The following NRXN3 variants were observed in gnomAD, a reference collection of about 807,000 sequenced individuals.
NRXN3 encodes neurexin III.
A neutral mutation model predicts 137.6 loss-of-function variants in NRXN3; 32 were observed. The ratio of observed to expected loss-of-function variants is 0.23; its 90% CI spans 0.18 to 0.31. The LOEUF (loss-of-function observed/expected upper bound fraction) is 0.31, where lower values mean the gene tolerates loss of function less well. NRXN3 is among the 10% of genes least tolerant of loss of function. The pLI is 1.00. For missense variants in NRXN3, 1,574 were observed against 2,062.5 expected (o/e 0.76, Z 4.59); for synonymous variants, 798 against 784.5 (o/e 1.02, Z -0.29).
chr14:79,800,449 G>A (rs1159990443), intron 19 of NRXN3, among the ~76,000 whole-genome samples: 1 of 152,196 alleles, frequency 6.6e-6, no homozygotes, highest in Non-Finnish European at 1.5e-5. Context: ...AGTCTAGATA[G>A]TCTAGATATC....
At chr14:78,347,249 AAAG>A (rs1347951215) in intron 4 of NRXN3, among the ~76,000 whole-genome samples, 2 of 152,208 alleles carry the variant, frequency 1.3e-5, no homozygotes, top group Non-Finnish European at 2.9e-5. Context: ...TTAAAACAGC[AAAG>A]GAGGAAGAAA....
chr14:78,822,720 AAAAAG>A lies in NRXN3; in HGVS notation c.2275+12385_2275+12389del, dbSNP rs1402469173. 3.0e-3 allele frequency among the ~76,000 whole-genome samples: 453 copies of A among 152,000 alleles called. 4 individuals carry two copies. The highest frequency in any genetic ancestry group is 1.0e-2 in the African/African-American group (413 of 41,490). On this transcript the variant is annotated intron_variant, in intron 10 of 20. Coordinates refer to ENST00000335750, the MANE Select transcript of NRXN3 (RefSeq NM_001330195.2). ...AACAACAAAAACAAACAAAAAAAAA[AAAAAG>A]AAAAGAAAGAAATGAGACTTAGTCA... is the stretch of plus-strand genomic sequence containing the variant.
Position 78,702,822 on chromosome 14 carries a change from A to T in NRXN3, c.1222-6395A>T, listed in dbSNP as rs931129707. ...GCTTTTCTCAGTAAATAACAAAATTAATAGTGATCGCCATCACTTATTGAG... is the reference window on the plus strand; with the variant it reads ...GCTTTTCTCAGTAAATAACAAAATTTATAGTGATCGCCATCACTTATTGAG... On this transcript the variant is annotated intron_variant, in intron 6 of 20. Transcript: ENST00000335750. Among the ~76,000 whole-genome samples the T allele has an allele frequency of 3.3e-5, 5 of 152,234 alleles. 1 individual carries two copies. The highest frequency in any genetic ancestry group is 1.2e-4 in the African/African-American group (5 of 41,464).
chr14:78,789,421 A>T (rs1276119978), intron 8 of NRXN3, among the ~76,000 whole-genome samples: 1 of 152,138 alleles, frequency 6.6e-6, no homozygotes, highest in Non-Finnish European at 1.5e-5. Context: ...AGTGCCACAG[A>T]TATCTAGTGG....
intron 19 of NRXN3, among the ~76,000 whole-genome samples, chr14:79,761,801 A>G (rs1326041192): frequency 1.3e-5 from 2 of 151,642 alleles, no homozygotes; most frequent in Admixed American, 1.3e-4. Context: ...AAGAAGCTAA[A>G]TCTACTCATA....
intron 2 of NRXN3, among the ~76,000 whole-genome samples, chr14:78,275,452 G>C (rs560016507): frequency 6.6e-6 from 1 of 152,222 alleles, no homozygotes; most frequent in Admixed American, 6.5e-5. Context: ...CTAGATGAGG[G>C]GGTAGAGCTA....
rs145833034 is a variant in NRXN3 at position 79,606,029 on chromosome 14, T to G, written c.3445-57749T>G. Among the ~76,000 whole-genome samples, 612 of 152,326 alleles carry G rather than the reference T, an allele frequency of 4.0e-3. 8 individuals carry two copies. Among genetic ancestry groups the G allele is most frequent in the African/African-American group, 0.014 (574 of 41,578 alleles). ...GAGCTTGAACTCCAGGCTGTGGCTT[T>G]GAAGCAGTTGTTTTCTCTGGAATTA... is the stretch of plus-strand genomic sequence containing the variant. On this transcript the variant is annotated intron_variant, in intron 16 of 20. Coordinates refer to ENST00000335750, the MANE Select transcript of NRXN3 (RefSeq NM_001330195.2).
At chr14:78,806,920 T>C (rs569068479) in intron 9 of NRXN3, among the ~76,000 whole-genome samples, 6 of 152,232 alleles carry the variant, frequency 3.9e-5, no homozygotes, top group Non-Finnish European at 8.8e-5. Flanking sequence ...AGCAAGTGTT[T>C]TTATGCTTAC....
intron 4 of NRXN3, among the ~76,000 whole-genome samples, chr14:78,366,086 TG>T (rs1213482606): frequency 1.1e-4 from 16 of 152,136 alleles, no homozygotes; most frequent in African/African-American, 3.6e-4. Flanking sequence ...CCTCTGTAAA[TG>T]GGGATAATGA....
chr14:79,244,199 T>G (rs1046057872), intron 15 of NRXN3, among the ~76,000 whole-genome samples: 2 of 152,160 alleles, frequency 1.3e-5, no homozygotes, highest in Non-Finnish European at 2.9e-5. Flanking sequence ...TCCTCTATAT[T>G]GTTCTCTGCA....
At position 79,146,516 on chromosome 14, in the gene NRXN3, C is replaced by T. The variant is rs542732260; in HGVS notation, c.3262+158375C>T. ...AAGATAGCATGGAAGGAAGGAACTT[C>T]ACTCTCCTGGAGTGTAGAGTTGTCA... On this transcript the variant is annotated intron_variant, in intron 15 of 20. Transcript: ENST00000335750. Among the ~76,000 whole-genome samples, 7 of 152,100 alleles carry T rather than the reference C, an allele frequency of 4.6e-5. No individual in the cohort carries two copies. The South Asian group carries it at 1.5e-3, about 32-fold the overall frequency.
intron 10 of NRXN3, among the ~76,000 whole-genome samples, chr14:78,826,961 T>G (rs1186252717): frequency 6.6e-6 from 1 of 152,210 alleles, no homozygotes; most frequent in Non-Finnish European, 1.5e-5. Flanking sequence ...CTGTGACTAC[T>G]GTTAATTTTG....
intron 19 of NRXN3, among the ~76,000 whole-genome samples, chr14:79,800,612 T>C (rs1041692300): frequency 2.0e-5 from 3 of 152,234 alleles, no homozygotes; most frequent in South Asian, 2.1e-4. Flanking sequence ...GTTCTACTTA[T>C]AGCAATTCTA....
chr14:78,480,401 A>G (rs1436738371), intron 4 of NRXN3, among the ~76,000 whole-genome samples: 1 of 152,272 alleles, frequency 6.6e-6, no homozygotes, highest in South Asian at 2.1e-4. Flanking sequence ...GTATTTGTTA[A>G]AAGTTAGATT....
chr14:78,868,861 A>T (rs1019920970), intron 10 of NRXN3, among the ~76,000 whole-genome samples: 1 of 151,982 alleles, frequency 6.6e-6, no homozygotes, highest in African/African-American at 2.4e-5. Flanking sequence ...AAAAAGAAAC[A>T]TAGCTTTGCA....
At chr14:78,978,623 C>T (rs1480864523) in intron 14 of NRXN3, among the ~76,000 whole-genome samples, 1 of 150,938 alleles carries the variant, frequency 6.6e-6, no homozygotes, top group Non-Finnish European at 1.5e-5. Flanking sequence ...AGTAAATAGG[C>T]TATCCTTATT....
chr14:79,763,913 T>C (rs1276254790), intron 19 of NRXN3, among the ~76,000 whole-genome samples: 3 of 151,454 alleles, frequency 2.0e-5, no homozygotes, highest in Non-Finnish European at 4.4e-5. Flanking sequence ...AGGAAGTAAA[T>C]TTTGAATCCT....
At chr14:78,644,219 A>G (rs372180407) in intron 4 of NRXN3, among the ~76,000 whole-genome samples, 1 of 152,084 alleles carries the variant, frequency 6.6e-6, no homozygotes, top group Non-Finnish European at 1.5e-5. Context: ...ACAAGCCCTG[A>G]AAAACAGGCT....
chr14:79,210,920 C>T (rs1175909497), intron 15 of NRXN3, among the ~76,000 whole-genome samples: 2 of 152,080 alleles, frequency 1.3e-5, no homozygotes, highest in Non-Finnish European at 1.5e-5. Flanking sequence ...GATCCTTTTT[C>T]TCTTTTCTGT....
Sources: gnomAD v4.1 joint callset for allele counts (sites outside exome capture counted in the v4.1 genomes callset) on GRCh38, gnomAD v4.1.1 for gene constraint, MANE v1.5 for transcripts, NCBI Gene and HGNC (gene_info 2026-07-23, HGNC 2026-07-21) for gene names.